The following FYCO1 variants were observed in gnomAD, a reference collection of about 807,000 sequenced individuals.
FYCO1 encodes FYVE and coiled-coil domain autophagy adaptor 1.
A neutral mutation model predicts 165.1 loss-of-function variants in FYCO1; 122 were observed. That is an observed-to-expected ratio of 0.74 (90% confidence interval 0.64 to 0.86). The LOEUF (loss-of-function observed/expected upper bound fraction) is 0.86. Among genes scored for constraint, FYCO1 ranks in the 40% least tolerant of loss-of-function variants. The probability of loss-of-function intolerance (pLI) is 0.00; values close to 1 mark genes in which losing one functional copy is unlikely to be tolerated. For missense variants in FYCO1, 1,702 were observed against 1,810.3 expected (o/e 0.94, Z 1.09); for synonymous variants, 648 against 742.5 (o/e 0.87, Z 2.07).
chr3:45,967,861 C>T lies in FYCO1; in HGVS notation c.1473G>A (p.Arg491=). The change falls in exon 8 of 18, where the codon AGG becomes AGA. Residue 491 remains arginine (R), a synonymous_variant. Transcript: ENST00000296137. Reference sequence around the variant, plus strand: ...CCTCCTGTTGCTGTTTTTTCTCCCGCCTCAACTCTGCTAGCTCCTCCTCCC... The same window carrying T: ...CCTCCTGTTGCTGTTTTTTCTCCCGTCTCAACTCTGCTAGCTCCTCCTCCC... ...SSWEEELAEL[R]REKKQQQEEK... 1.2e-6 allele frequency: 2 copies of T among 1,614,122 alleles called. No homozygotes were observed. Among genetic ancestry groups the T allele is most frequent in the Non-Finnish European group, 1.7e-6 (2 of 1,180,010 alleles).
intron 16 of FYCO1, among the ~76,000 whole-genome samples, chr3:45,929,167 T>G (rs1176896005): frequency 6.6e-6 from 1 of 152,232 alleles, no homozygotes; most frequent in Non-Finnish European, 1.5e-5. Context: ...CACCCCCATC[T>G]GTGGTTGGTG....
Position 45,962,337 on chromosome 3 carries a change from GT to G in FYCO1, c.3324del (p.Lys1108AsnfsTer6), listed in dbSNP as rs1237651844. 1.2e-6 allele frequency: 2 copies of G among 1,614,018 alleles called. No individual in the cohort carries two copies. Among genetic ancestry groups the G allele is most frequent in the Admixed American group, 3.3e-5 (2 of 60,002 alleles). Reference protein sequence around the residue: ...ATTKIQEYYNKLCQEVTNRER... With the variant: ...ATTKIQEYYNXLCQEVTNRER... The stretch of plus-strand genomic sequence containing the variant: ...TCACGATTTGTCACCTCCTGGCAGA[GT>G]TTGTTGTAATACTCTTGGATTTTTG... On this transcript the variant is annotated frameshift_variant, in exon 11 of 18. Coordinates refer to ENST00000296137, the MANE Select transcript of FYCO1 (RefSeq NM_024513.4). LOFTEE classifies it high-confidence loss of function. The surrounding 1 kb of genome is among the most constrained non-coding windows in gnomAD (Gnocchi z 4.4).
rs9865446 is a variant in FYCO1, at chr3:45,936,651, G to C, written c.3945-108C>G. 6.3e-6 allele frequency: 5 copies of C among 798,266 alleles called. No homozygotes were observed. The African/African-American group carries it at 6.7e-5, about 11-fold the overall frequency. The allele number at this position is 798,266 out of a possible 1,614,324, so 49.4% of individuals were successfully genotyped here. On this transcript the variant is annotated intron_variant, in intron 14 of 17. Coordinates refer to ENST00000296137, the MANE Select transcript of FYCO1 (RefSeq NM_024513.4). ...ACAGGCAGCCAAATCCAGATGCATG[G>C]GGGATCCTTTAATCATAGAGGCCAT...
Position 45,964,382 on chromosome 3 carries a change from G to C in FYCO1, c.3223C>G (p.Leu1075Val). ...GCAGCCCCCTCCTTGTCCTTCCTCA[G>C]CATGGCCGCCTGGCACTCTGCAAGA... ...NHLAECQAAMLRKDKEGAALR... is the reference protein window; with the variant it reads ...NHLAECQAAMVRKDKEGAALR... Residue 1075 changes from leucine to valine, a missense_variant, in exon 10 of 18, where the codon CTG (leucine) becomes GTG (valine). Transcript: ENST00000296137. This position sits in a 1 kb window ranked among gnomAD's most constrained non-coding sequence, Gnocchi z 4.1. The C allele has an allele frequency of 6.2e-7, 1 of 1,614,106 alleles. No individual in the cohort carries two copies. Among genetic ancestry groups the C allele is most frequent in the Non-Finnish European group, 8.5e-7 (1 of 1,179,960 alleles).
intron 11 of FYCO1, among the ~76,000 whole-genome samples, chr3:45,960,381 C>A (rs552763947): frequency 6.6e-6 from 1 of 152,280 alleles, no homozygotes; most frequent in South Asian, 2.1e-4. Context: ...CCCAATCAAC[C>A]CCAGATCTTT....
intron 14 of FYCO1, among the ~76,000 whole-genome samples, chr3:45,943,169 A>G (rs1042684259): frequency 2.8e-4 from 43 of 152,240 alleles, no homozygotes; most frequent in Non-Finnish European, 3.2e-4. Context: ...TGACTAGTGA[A>G]TTAAGTAATT....
chr3:45,966,333 T>TCC lies in FYCO1; in HGVS notation c.3000_3001insGG (p.Asn1001GlyfsTer8). ...GCACTCAGCTGGAACTTGAGGGTGT[T>TCC]GAGCTCCTGGTGTGCAGCCTCTTGG... On this transcript the variant is annotated frameshift_variant, in exon 8 of 18. Transcript: ENST00000296137. LOFTEE classifies it high-confidence loss of function. 1 of 1,614,034 alleles carries TCC rather than the reference T, an allele frequency of 6.2e-7. No individual in the cohort carries two copies.
At chr3:45,936,622 A>G in intron 14 of FYCO1, 79 bp from the exon 15 acceptor site, 1 of 983,830 alleles carries the variant, frequency 1.0e-6, no homozygotes, top group Admixed American at 1.7e-5. Context: ...GCAGTCTTGG[A>G]GTCACAGGCA....
chr3:45,979,509 A>T (rs1394673265), intron 4 of FYCO1, among the ~76,000 whole-genome samples, 196 bp downstream of exon 4: 1 of 152,222 alleles, frequency 6.6e-6, no homozygotes, highest in African/African-American at 2.4e-5. Context: ...CTTCCCCTTG[A>T]TAAACACTCA....
intron 16 of FYCO1, 36 bp downstream of exon 16, chr3:45,931,035 G>A (rs1703580783): frequency 1.3e-6 from 2 of 1,594,304 alleles, no homozygotes; most frequent in Non-Finnish European, 1.7e-6. Context: ...CCAGATGTGT[G>A]TGTAAGGAGC....
intron 15 of FYCO1, 94 bp downstream of exon 15, chr3:45,936,354 G>T: frequency 3.7e-6 from 3 of 807,072 alleles, no homozygotes; most frequent in Non-Finnish European, 2.2e-6. Context: ...TTAAGTTAGA[G>T]CCCCCGAGGT....
rs368240787 is a variant in FYCO1, at chr3:45,986,001, G to A, written c.-112-979C>T. Among the ~76,000 whole-genome samples, 29 of 152,376 alleles carry A rather than the reference G, an allele frequency of 1.9e-4. No homozygotes were observed. The East Asian group carries it at 4.6e-3, about 24-fold the overall frequency. ...ACTAAATGAGGGTCTATTGCGTGCA[G>A]GGCTCTGTTACGTGCTTTACACACA... On this transcript the variant is annotated intron_variant, in intron 1 of 17. Coordinates refer to ENST00000296137, the MANE Select transcript of FYCO1 (RefSeq NM_024513.4).
chr3:45,985,973 G>A (rs770625996), intron 1 of FYCO1, among the ~76,000 whole-genome samples: 3 of 152,234 alleles, frequency 2.0e-5, no homozygotes, highest in African/African-American at 7.2e-5. Flanking sequence ...GGTGGCAGCC[G>A]GCACTAAATG....
At chr3:45,974,568 A>C (rs892743475) in intron 5 of FYCO1, among the ~76,000 whole-genome samples, 1 of 152,168 alleles carries the variant, frequency 6.6e-6, no homozygotes, top group African/African-American at 2.4e-5. Flanking sequence ...TTTTAGATTC[A>C]AAAAAATTTG....
chr3:45,929,879 C>T (rs549004046), intron 16 of FYCO1, among the ~76,000 whole-genome samples: 6 of 152,182 alleles, frequency 3.9e-5, no homozygotes, highest in East Asian at 3.9e-4. Flanking sequence ...CAAACGGGTA[C>T]GTGTTCCTCT....
intron 1 of FYCO1, among the ~76,000 whole-genome samples, chr3:45,987,697 G>A (rs576137534): frequency 6.6e-6 from 1 of 152,280 alleles, no homozygotes; most frequent in Admixed American, 6.5e-5. Context: ...CAGCCCACTG[G>A]GTCTGTGTGT....
chr3:45,994,484 T>G (rs1707702914), intron 1 of FYCO1, among the ~76,000 whole-genome samples: 1 of 152,020 alleles, frequency 6.6e-6, no homozygotes, highest in Non-Finnish European at 1.5e-5. Flanking sequence ...ATTTTCAGGG[T>G]GATAATAACC....
At position 45,930,961 on chromosome 3, in the gene FYCO1, G is replaced by T; in HGVS notation, c.4251+110C>A. On this transcript the variant is annotated intron_variant, in intron 16 of 17. Coordinates refer to ENST00000296137, the MANE Select transcript of FYCO1 (RefSeq NM_024513.4). ...TGATACTGCCCAGAACATTCCAAGT[G>T]AGGCCTGCCCAGCAGAGGATAGGAT... The T allele has an allele frequency of 7.0e-6, 7 of 997,088 alleles. No homozygotes were observed. The Middle Eastern group carries it at 1.8e-3, about 259-fold the overall frequency. The allele number at this position is 997,088 out of a possible 1,614,324, so 61.8% of individuals were successfully genotyped here.
chr3:45,927,678 T>C (rs1190470472), intron 16 of FYCO1, among the ~76,000 whole-genome samples: 1 of 152,210 alleles, frequency 6.6e-6, no homozygotes, highest in Admixed American at 6.5e-5. Flanking sequence ...CACATTCTAG[T>C]TCCACCAGGG....
Sources: allele counts gnomAD v4.1 joint callset (sites outside exome capture counted in the v4.1 genomes callset), GRCh38; gene constraint gnomAD v4.1.1; non-coding constraint Gnocchi (gnomAD v3.1); transcripts MANE v1.5; gene names NCBI Gene and HGNC (gene_info 2026-07-23, HGNC 2026-07-21).